MFSD1: variants seen among roughly 807,000 people sequenced by gnomAD.
The protein encoded by MFSD1 is major facilitator superfamily domain containing 1.
In MFSD1, 59 loss-of-function variants were observed where a neutral mutation model predicts 67.1. That is an observed-to-expected ratio of 0.88 (90% CI 0.71 to 1.09). The LOEUF (loss-of-function observed/expected upper bound fraction) is 1.09, where lower values mean the gene tolerates loss of function less well. Ranked by LOEUF, MFSD1 falls within the 50% of genes least tolerant of loss-of-function variation. The pLI is 0.00. For missense variants in MFSD1, 552 were observed against 566.1 expected (o/e 0.97, Z 0.25); for synonymous variants, 213 against 200.3 (o/e 1.06, Z -0.54).
At chr3:158,808,331 C>T (rs41434057) in intron 5 of MFSD1, among the ~76,000 whole-genome samples, 16,551 of 151,898 alleles carry the variant, frequency 0.11, 959 homozygotes, top group East Asian at 0.19. Context: ...GAGGTGGCCT[C>T]GGTGTAAGGA....
intron 9 of MFSD1, 144 bp downstream of exon 9, chr3:158,820,470 T>C (rs908030189): frequency 1.7e-6 from 1 of 600,198 alleles, no homozygotes; most frequent in African/African-American, 1.8e-5. Flanking sequence ...TCCTGGGATA[T>C]ACATTTTCTT....
chr3:158,824,017 A>T, intron 12 of MFSD1, 107 bp from the exon 13 acceptor site: 1 of 828,158 alleles, frequency 1.2e-6, no homozygotes. Flanking sequence ...ACATCTCTGA[A>T]CACAAATAGT....
Position 158,804,463 on chromosome 3 carries a change from C to T in MFSD1, c.216+92C>T, listed in dbSNP as rs746308491. On this transcript the variant is annotated intron_variant, in intron 2 of 15. Coordinates refer to ENST00000415822, the MANE Select transcript of MFSD1 (RefSeq NM_022736.4). ...TCAACCCTCAGGTGCCCTAGTCTCA[C>T]GTGTCCGCTGAATCTATTTTGACAT... 89 of 932,870 alleles carry T rather than the reference C, an allele frequency of 9.5e-5. 1 individual carries two copies. The highest frequency in any genetic ancestry group is 2.5e-4 in the East Asian group (10 of 40,106). The allele number at this position is 932,870 out of a possible 1,614,324, so 57.8% of individuals were successfully genotyped here. A position where few individuals can be genotyped will look rare whatever the true frequency, so the allele number is the denominator to read the frequency against.
At position 158,829,064 on chromosome 3, in the gene MFSD1, A is replaced by G. The variant is rs1169832309; in HGVS notation, c.*82A>G. ...TTCCATTTTTAAAAATTTAGAGTTT[A>G]GTCATTAGAAAAAATAATGGACTGG... is the stretch of plus-strand genomic sequence containing the variant. On this transcript the variant is annotated 3_prime_UTR_variant, in exon 16 of 16. Transcript: ENST00000415822. 1.6e-6 allele frequency: 2 copies of G among 1,277,282 alleles called. No individual in the cohort carries two copies. Among genetic ancestry groups the G allele is most frequent in the Non-Finnish European group, 2.2e-6 (2 of 918,164 alleles). The allele number at this position is 1,277,282 out of a possible 1,614,324, so 79.1% of individuals were successfully genotyped here.
At chr3:158,823,848 G>T (rs1270171411) in intron 12 of MFSD1, among the ~76,000 whole-genome samples, 1 of 152,142 alleles carries the variant, frequency 6.6e-6, no homozygotes, top group Non-Finnish European at 1.5e-5. Flanking sequence ...CGCACCTGTG[G>T]TTGATATTCA....
chr3:158,813,026 T>A (rs2108215187), intron 6 of MFSD1, among the ~76,000 whole-genome samples: 1 of 152,248 alleles, frequency 6.6e-6, no homozygotes, highest in East Asian at 1.9e-4. Context: ...CACTCCCAAT[T>A]TTATATTCTC....
intron 5 of MFSD1, among the ~76,000 whole-genome samples, 153 bp downstream of exon 5, chr3:158,807,616 G>C (rs1729794686): frequency 6.6e-6 from 1 of 152,150 alleles, no homozygotes; most frequent in African/African-American, 2.4e-5. Context: ...AGTTGTCTTA[G>C]TTTTCCTTTA....
intron 11 of MFSD1, chr3:158,823,087 A>G (rs1730759380): frequency 3.9e-6 from 1 of 257,542 alleles, no homozygotes; most frequent in Non-Finnish European, 7.7e-6. Context: ...TAAATACTGG[A>G]AAATTAGCTT....
chr3:158,809,899 G>A (rs1234938621), intron 6 of MFSD1, among the ~76,000 whole-genome samples: 1 of 152,142 alleles, frequency 6.6e-6, no homozygotes, highest in Non-Finnish European at 1.5e-5. Flanking sequence ...CCTTACCATG[G>A]TGCTTATGCC....
chr3:158,827,278 A>C lies in MFSD1; in HGVS notation c.1337-2A>C, dbSNP rs776741301. 1 of 1,549,134 alleles carries C rather than the reference A, an allele frequency of 6.5e-7. No homozygotes were observed. Among genetic ancestry groups the C allele is most frequent in the Non-Finnish European group, 8.7e-7 (1 of 1,147,124 alleles). The stretch of plus-strand genomic sequence containing the variant: ...AAAGATCTATGTTTATTTGTGTTTT[A>C]GGTGGGAACCTAAATTATTCTGCAA... On this transcript the variant is annotated splice_acceptor_variant, in intron 14 of 15. Coordinates refer to ENST00000415822, the MANE Select transcript of MFSD1 (RefSeq NM_022736.4). LOFTEE classifies it high-confidence loss of function.
At chr3:158,826,199 G>T in intron 14 of MFSD1, 137 bp downstream of exon 14, 1 of 579,404 alleles carries the variant, frequency 1.7e-6, no homozygotes, top group Non-Finnish European at 3.1e-6. Context: ...AAACACATTT[G>T]ATTATGTAAT....
At chr3:158,802,468 T>G in intron 1 of MFSD1, 153 bp downstream of exon 1, 10 of 870,958 alleles carry the variant, frequency 1.1e-5, no homozygotes, top group Non-Finnish European at 1.5e-5. Context: ...TTGCGATCGA[T>G]TCCAGCCACA....
intron 11 of MFSD1, chr3:158,822,951 G>GA (rs1419985119): frequency 6.4e-6 from 1 of 157,362 alleles, no homozygotes; most frequent in African/African-American, 2.4e-5. Context: ...TTTAATTGAA[G>GA]AAAAAATCAG....
At chr3:158,816,474 G>A (rs1186713090) in intron 7 of MFSD1, among the ~76,000 whole-genome samples, 1 of 152,106 alleles carries the variant, frequency 6.6e-6, no homozygotes, top group African/African-American at 2.4e-5. Context: ...GTCTGTTCAT[G>A]TCCTTCGCTC....
At chr3:158,810,223 T>C (rs1729930082) in intron 6 of MFSD1, among the ~76,000 whole-genome samples, 1 of 152,196 alleles carries the variant, frequency 6.6e-6, no homozygotes, top group Non-Finnish European at 1.5e-5. Context: ...CAACACTATG[T>C]TTTTATTAAT....
chr3:158,812,777 T>C (rs1346581844), intron 6 of MFSD1, among the ~76,000 whole-genome samples: 1 of 152,094 alleles, frequency 6.6e-6, no homozygotes. Flanking sequence ...AAACTGAAAG[T>C]CCTCCTGTAG....
intron 12 of MFSD1, among the ~76,000 whole-genome samples, 196 bp from the exon 13 acceptor site, chr3:158,823,928 C>A (rs1400664597): frequency 6.6e-6 from 1 of 152,156 alleles, no homozygotes; most frequent in Non-Finnish European, 1.5e-5. Flanking sequence ...AGCTCCCTTA[C>A]CTTTGAGCAG....
intron 12 of MFSD1, among the ~76,000 whole-genome samples, chr3:158,823,896 C>T (rs113300877): frequency 4.6e-5 from 7 of 152,248 alleles, no homozygotes; most frequent in South Asian, 2.1e-4. Context: ...GGTATTGAAT[C>T]CACATTGCAC....
At chr3:158,810,180 T>G (rs1235620883) in intron 6 of MFSD1, among the ~76,000 whole-genome samples, 1 of 152,212 alleles carries the variant, frequency 6.6e-6, no homozygotes, top group Non-Finnish European at 1.5e-5. Flanking sequence ...TGTACCACCA[T>G]GTGCAGCTAA....
Sources: gnomAD v4.1 joint callset for allele counts (sites outside exome capture counted in the v4.1 genomes callset) on GRCh38, gnomAD v4.1.1 for gene constraint, MANE v1.5 for transcripts, NCBI Gene and HGNC (gene_info 2026-07-23, HGNC 2026-07-21) for gene names.